The following KYAT1 variants were observed in gnomAD, a reference collection of about 807,000 sequenced individuals.
KYAT1 encodes the protein kynurenine aminotransferase 1.
In KYAT1, 47 loss-of-function variants were observed where a neutral mutation model predicts 52.4. That is an observed-to-expected ratio of 0.90 (90% CI 0.71 to 1.14). The LOEUF is 1.14. Ranked by LOEUF, KYAT1 falls within the 50% of genes most tolerant of loss-of-function variation. The pLI, the probability that KYAT1 is intolerant of heterozygous loss-of-function variation, is 0.00. For missense variants in KYAT1, 480 were observed against 557.9 expected, an observed-to-expected ratio of 0.86 and a Z score of 1.41; for synonymous variants, 212 against 209.6, an observed-to-expected ratio of 1.01 and a Z score of -0.10.
chr9:128,860,782 C>T (rs1286563728), intron 1 of KYAT1, among the ~76,000 whole-genome samples: 1 of 152,004 alleles, frequency 6.6e-6, no homozygotes, highest in Non-Finnish European at 1.5e-5. Flanking sequence ...AGACTGGTCT[C>T]GAACTCCTGA....
chr9:128,880,773 C>G (rs1487909602), intron 1 of KYAT1, among the ~76,000 whole-genome samples: 1 of 152,028 alleles, frequency 6.6e-6, no homozygotes. Flanking sequence ...TTCCTAACCT[C>G]TCTAAGGTTC....
chr9:128,869,252 C>G (rs529119045), intron 1 of KYAT1, among the ~76,000 whole-genome samples: 1 of 152,114 alleles, frequency 6.6e-6, no homozygotes, highest in South Asian at 2.1e-4. Context: ...AGCTCTGCCT[C>G]CCGGGTTCAC....
At chr9:128,847,628 T>C (rs1833316223) in intron 1 of KYAT1, 1 of 638,806 alleles carries the variant, frequency 1.6e-6, no homozygotes, top group African/African-American at 1.8e-5. Flanking sequence ...AGGACTTGGG[T>C]CCCCCACACA....
At position 128,877,866 on chromosome 9, in the gene KYAT1, A is replaced by T. The variant is rs138941003; in HGVS notation, c.-7+4031T>A. ...ACTCCCAGTTACTGAGACAACACAC[A>T]TCGTGGCACCTCTAGAGAAAGGGTA... On this transcript the variant is annotated intron_variant, in intron 1 of 12. Transcript: ENST00000302586. 1.6e-3 allele frequency among the ~76,000 whole-genome samples: 251 copies of T among 152,316 alleles called. 2 individuals are homozygous for T. The highest frequency in any genetic ancestry group is 5.6e-3 in the African/African-American group (231 of 41,568).
chr9:128,842,181 A>G, intron 3 of KYAT1: 1 of 255,872 alleles, frequency 3.9e-6, no homozygotes, highest in South Asian at 3.6e-5. Context: ...TAACAGAGTG[A>G]GACCTTGTCT....
In KYAT1 at chr9:128,836,078, C is replaced by T. The variant is rs771884784; in HGVS notation, c.689-5G>A. ...CCCACATGCCAGGGAGGCTGGCTGC[C>T]CAAGGCCGAACAGAACAGCTGCTGA... On this transcript the variant is annotated splice_polypyrimidine_tract_variant and splice_region_variant and intron_variant, in intron 7 of 12. Transcript: ENST00000302586. 1 of 1,613,576 alleles carries T rather than the reference C, an allele frequency of 6.2e-7. No homozygotes were observed. Among genetic ancestry groups the T allele is most frequent in the East Asian group, 2.2e-5 (1 of 44,868 alleles).
chr9:128,838,456 C>G, intron 3 of KYAT1, 89 bp from the exon 4 acceptor site: 1 of 1,523,816 alleles, frequency 6.6e-7, no homozygotes. Context: ...CACCTTCCAG[C>G]AGCAGGCCTG....
chr9:128,873,838 C>G (rs1468280378), intron 1 of KYAT1, among the ~76,000 whole-genome samples: 1 of 149,938 alleles, frequency 6.7e-6, no homozygotes, highest in Non-Finnish European at 1.5e-5. Context: ...CCCAGCTACA[C>G]GGAAGGCTGA....
Position 128,869,500 on chromosome 9 carries a change from A to G in KYAT1, c.-7+12397T>C, listed in dbSNP as rs140343790. On this transcript the variant is annotated intron_variant, in intron 1 of 12. Coordinates refer to ENST00000302586, the MANE Select transcript of KYAT1 (RefSeq NM_004059.5). ...TAGAGGAAAGAATAGTCTCTTCAAC[A>G]AAGGGTGCTGGGACAACTGGATATT... Among the ~76,000 whole-genome samples the G allele has an allele frequency of 4.5e-3, 685 of 152,352 alleles. 4 individuals carry two copies. The highest frequency in any genetic ancestry group is 0.014 in the Middle Eastern group (4 of 294).
chr9:128,835,837 A>G lies in KYAT1; in HGVS notation c.797T>C (p.Met266Thr). 6.2e-7 allele frequency: 1 copy of G among 1,614,068 alleles called. No homozygotes were observed. Among genetic ancestry groups the G allele is most frequent in the South Asian group, 1.1e-5 (1 of 91,064 alleles). ...CTGGTGCACGGTCCGCAGGTGCTTCATGATGTGATCTGGACCCAGGACCCA... is the reference window on the plus strand; with the variant it reads ...CTGGTGCACGGTCCGCAGGTGCTTCGTGATGTGATCTGGACCCAGGACCCA... Reference protein sequence around the residue: ...VGWVLGPDHIMKHLRTVHQNS... With the variant: ...VGWVLGPDHITKHLRTVHQNS... Residue 266 changes from methionine (M) to threonine (T), a missense_variant, in exon 9 of 13, where the codon ATG (methionine) becomes ACG (threonine). Met to Thr is a moderately conservative substitution (Grantham distance 81). Transcript: ENST00000302586.
At chr9:128,860,730 T>C (rs1564486048) in intron 1 of KYAT1, among the ~76,000 whole-genome samples, 2 of 152,018 alleles carry the variant, frequency 1.3e-5, no homozygotes, top group Admixed American at 6.6e-5. Context: ...GCCTGGCTAA[T>C]TTTTGTATTT....
At chr9:128,864,979 C>A (rs1836004680) in intron 1 of KYAT1, among the ~76,000 whole-genome samples, 1 of 151,580 alleles carries the variant, frequency 6.6e-6, no homozygotes, top group Non-Finnish European at 1.5e-5. Flanking sequence ...TGGCTTATGC[C>A]TGCAAGAGAG....
intron 1 of KYAT1, among the ~76,000 whole-genome samples, chr9:128,852,095 C>T (rs77341322): frequency 2.0e-5 from 3 of 152,132 alleles, no homozygotes; most frequent in East Asian, 1.9e-4. Context: ...AAGTTGGGGG[C>T]GCTACATAAA....
chr9:128,850,051 A>T (rs1042237513), intron 1 of KYAT1, among the ~76,000 whole-genome samples: 2 of 150,864 alleles, frequency 1.3e-5, no homozygotes, highest in African/African-American at 4.9e-5. Flanking sequence ...TGCCTGGCTA[A>T]TTTTTGTATT....
At chr9:128,862,790 G>T (rs531406023) in intron 1 of KYAT1, among the ~76,000 whole-genome samples, 1 of 152,154 alleles carries the variant, frequency 6.6e-6, no homozygotes, top group Non-Finnish European at 1.5e-5. Flanking sequence ...ATGTGTGGCC[G>T]GGTAAGACTG....
chr9:128,881,085 G>GT (rs1406660017), intron 1 of KYAT1, among the ~76,000 whole-genome samples: 2 of 152,056 alleles, frequency 1.3e-5, no homozygotes, highest in South Asian at 2.1e-4. Flanking sequence ...CATCAACGCT[G>GT]TTTTTTCTTT....
intron 5 of KYAT1, 112 bp downstream of exon 5, chr9:128,837,939 C>A: frequency 6.7e-7 from 1 of 1,484,668 alleles, no homozygotes; most frequent in Admixed American, 1.7e-5. Flanking sequence ...GCCCTCCCAG[C>A]TTAGAGGAAC....
chr9:128,850,835 G>A (rs1833861584), intron 1 of KYAT1, among the ~76,000 whole-genome samples: 1 of 152,226 alleles, frequency 6.6e-6, no homozygotes, highest in Non-Finnish European at 1.5e-5. Flanking sequence ...ATGGCGGGAG[G>A]CGAGACACAT....
chr9:128,840,728 T>C (rs1832007240), intron 3 of KYAT1: 2 of 419,420 alleles, frequency 4.8e-6, no homozygotes, highest in South Asian at 1.8e-5. Context: ...ATTTACTTAG[T>C]TGTTTGTTTA....
Sources: allele counts gnomAD v4.1 joint callset (sites outside exome capture counted in the v4.1 genomes callset), GRCh38; gene constraint gnomAD v4.1.1; transcripts MANE v1.5; gene names NCBI Gene and HGNC (gene_info 2026-07-23, HGNC 2026-07-21).